COLGALT2: variants seen among roughly 807,000 people sequenced by gnomAD.
COLGALT2 encodes the protein collagen beta(1-O)galactosyltransferase 2, also known as procollagen galactosyltransferase 2.
A neutral mutation model predicts 73.4 loss-of-function variants in COLGALT2; 49 were observed. The ratio of observed to expected loss-of-function variants is 0.67; its 90% CI spans 0.53 to 0.85. The LOEUF is 0.85. COLGALT2 is among the 40% of genes least tolerant of loss of function. The probability of loss-of-function intolerance (pLI) is 0.00; values close to 1 mark genes in which losing one functional copy is unlikely to be tolerated. For missense variants in COLGALT2, 722 were observed against 790.2 expected (o/e 0.91, Z 1.03); for synonymous variants, 295 against 307.6 (o/e 0.96, Z 0.43).
rs1012555472 is a variant in COLGALT2 at position 183,938,639 on chromosome 1, T to C, written c.*122A>G. The C allele has an allele frequency of 9.5e-5, 140 of 1,467,064 alleles. 1 individual carries two copies. In the African/African-American group the frequency reaches 1.8e-3, roughly 18 times the overall value. The allele number at this position is 1,467,064 out of a possible 1,614,324, so 90.9% of individuals were successfully genotyped here. On this transcript the variant is annotated 3_prime_UTR_variant, in exon 12 of 12. Transcript: ENST00000361927. The stretch of plus-strand genomic sequence containing the variant: ...TTCGATCTATCACACTAGATCACTT[T>C]GGTTAGATGACTGTGACCACTAAGA...
At chr1:183,998,480 G>T (rs1386408453) in intron 1 of COLGALT2, among the ~76,000 whole-genome samples, 1 of 152,032 alleles carries the variant, frequency 6.6e-6, no homozygotes, top group Non-Finnish European at 1.5e-5. Flanking sequence ...TGGGTTGTTT[G>T]TCCACTATTT....
Position 183,938,187 on chromosome 1 carries a change from A to G in COLGALT2, c.*574T>C, listed in dbSNP as rs1572624932. The G allele has an allele frequency of 1.0e-6, 1 of 977,438 alleles. No individual in the cohort carries two copies. Among genetic ancestry groups the G allele is most frequent in the Non-Finnish European group, 1.2e-6 (1 of 827,696 alleles). 60.5% of individuals were successfully genotyped at this position (977,438 alleles called of 1,614,324 possible). A position where few individuals can be genotyped will look rare whatever the true frequency, so the allele number is the denominator to read the frequency against. On this transcript the variant is annotated 3_prime_UTR_variant, in exon 12 of 12. Coordinates refer to ENST00000361927, the MANE Select transcript of COLGALT2 (RefSeq NM_015101.4). ...CAAATACCCACCCCTACTGGATAAC[A>G]GGGACTAAGATTTTTTTTTTTTAAA...
At chr1:183,956,970 G>T (rs1364072840) in intron 6 of COLGALT2, among the ~76,000 whole-genome samples, 1 of 152,024 alleles carries the variant, frequency 6.6e-6, no homozygotes, top group African/African-American at 2.4e-5. Flanking sequence ...AGTCATTTCT[G>T]ACTCCATCTT....
chr1:184,033,345 C>T (rs6666636), intron 1 of COLGALT2, among the ~76,000 whole-genome samples: 27,648 of 152,132 alleles, frequency 0.18, 2,663 homozygotes, highest in Admixed American at 0.27. Flanking sequence ...AAGTACACTA[C>T]CACTTGTCAC....
chr1:184,020,243 G>A (rs924984996), intron 1 of COLGALT2, among the ~76,000 whole-genome samples: 7 of 152,272 alleles, frequency 4.6e-5, no homozygotes, highest in African/African-American at 1.4e-4. Context: ...GGATGTTAAG[G>A]TAGCAGATTT....
intron 5 of COLGALT2, among the ~76,000 whole-genome samples, chr1:183,965,547 G>T (rs898106340): frequency 6.6e-6 from 1 of 152,184 alleles, no homozygotes; most frequent in African/African-American, 2.4e-5. Flanking sequence ...TAAACAACAT[G>T]AACAGGAGAG....
intron 6 of COLGALT2, among the ~76,000 whole-genome samples, chr1:183,961,436 C>T (rs1670697929): frequency 6.6e-6 from 1 of 152,100 alleles, no homozygotes. Flanking sequence ...AGAGACTCTC[C>T]CTACTTGGGA....
In COLGALT2 at chr1:183,945,448, T is replaced by A. The variant is rs764383674; in HGVS notation, c.1253A>T (p.Tyr418Phe). The A allele has an allele frequency of 4.3e-6, 7 of 1,614,076 alleles. No homozygotes were observed. The highest frequency in any genetic ancestry group is 5.1e-6 in the Non-Finnish European group (6 of 1,180,002). ...RGEIGCFLSH[Y>F]SVWKEVIDRE... Reference sequence around the variant, plus strand: ...ATTATTTACCTCTTTCCAGACTGAGTAGTGGCTGAGAAAGCAGCCGATTTC... The same window carrying A: ...ATTATTTACCTCTTTCCAGACTGAGAAGTGGCTGAGAAAGCAGCCGATTTC... The change falls in exon 9 of 12, where the codon TAC becomes TTC. Residue 418 changes from tyrosine (Y) to phenylalanine (F), a missense_variant. Physicochemically the swap from Tyr to Phe is conservative, Grantham distance 22. Coordinates refer to ENST00000361927, the MANE Select transcript of COLGALT2 (RefSeq NM_015101.4).
At chr1:183,965,728 G>T (rs1248298297) in intron 5 of COLGALT2, among the ~76,000 whole-genome samples, 1 of 152,142 alleles carries the variant, frequency 6.6e-6, no homozygotes, top group African/African-American at 2.4e-5. Context: ...ATTAGTTTTG[G>T]ATCATACTAG....
chr1:183,940,518 T>G (rs1403430177), intron 11 of COLGALT2, 63 bp downstream of exon 11: 7 of 1,386,326 alleles, frequency 5.0e-6, no homozygotes, highest in Non-Finnish European at 7.2e-6. Context: ...CTACCAGAAA[T>G]GGAGAGCATA....
At chr1:183,961,109 T>C (rs536322041) in intron 6 of COLGALT2, among the ~76,000 whole-genome samples, 1 of 152,338 alleles carries the variant, frequency 6.6e-6, no homozygotes, top group African/African-American at 2.4e-5. Flanking sequence ...TCCAACATTT[T>C]CTTACTCCTA....
intron 1 of COLGALT2, among the ~76,000 whole-genome samples, chr1:183,994,026 C>CTTTTTTTTTT (rs869129633): frequency 8.6e-5 from 6 of 70,040 alleles, no homozygotes; most frequent in African/African-American, 1.2e-4. Flanking sequence ...TCTTGTAATT[C>CTTTTTTTTTT]TTTTTTTTTT....
chr1:183,948,142 G>T (rs1670299011), intron 8 of COLGALT2, among the ~76,000 whole-genome samples: 1 of 152,018 alleles, frequency 6.6e-6, no homozygotes, highest in African/African-American at 2.4e-5. Flanking sequence ...TTCACTAGGG[G>T]TTTCTGCCAA....
chr1:184,020,759 T>A (rs968083665), intron 1 of COLGALT2, among the ~76,000 whole-genome samples: 4 of 152,202 alleles, frequency 2.6e-5, no homozygotes, highest in African/African-American at 9.6e-5. Context: ...GAGAGCAGGG[T>A]CTACATCTGT....
chr1:183,932,053 G>A (rs1361911646), downstream of COLGALT2, among the ~76,000 whole-genome samples: 1 of 152,128 alleles, frequency 6.6e-6, no homozygotes, highest in East Asian at 1.9e-4. Flanking sequence ...AGGTTTCACA[G>A]GGGAGACAGA....
chr1:183,973,758 A>C lies in COLGALT2; in HGVS notation c.493-8T>G. 6.2e-7 allele frequency: 1 copy of C among 1,612,698 alleles called. No individual in the cohort carries two copies. The highest frequency in any genetic ancestry group is 8.5e-7 in the Non-Finnish European group (1 of 1,179,128). On this transcript the variant is annotated splice_region_variant and splice_polypyrimidine_tract_variant and intron_variant, in intron 3 of 11. Coordinates refer to ENST00000361927, the MANE Select transcript of COLGALT2 (RefSeq NM_015101.4). Reference sequence around the variant, plus strand: ...ATTGTCAACATCTATGAACTAGGAAAAGAAAAGGATAATGTTAGGTGAAAA... The same window carrying C: ...ATTGTCAACATCTATGAACTAGGAACAGAAAAGGATAATGTTAGGTGAAAA...
At chr1:183,994,327 C>T (rs1018153593) in intron 1 of COLGALT2, among the ~76,000 whole-genome samples, 6 of 151,866 alleles carry the variant, frequency 4.0e-5, no homozygotes, top group Admixed American at 6.5e-5. Context: ...CATGAGCCAC[C>T]GCACCTGGCC....
At chr1:184,000,556 A>G (rs1206128939) in intron 1 of COLGALT2, among the ~76,000 whole-genome samples, 1 of 151,350 alleles carries the variant, frequency 6.6e-6, no homozygotes. Context: ...AATCCCTTAA[A>G]TTGCACAGTA....
Position 183,937,112 on chromosome 1 carries a change from G to C in COLGALT2, c.*1649C>G, listed in dbSNP as rs1204915117. On this transcript the variant is annotated 3_prime_UTR_variant, in exon 12 of 12. Coordinates refer to ENST00000361927, the MANE Select transcript of COLGALT2 (RefSeq NM_015101.4). Reference sequence around the variant, plus strand: ...CTGGCTTAAAGTGTATCTTACACTCGTACACTAAGCTTGTGTATGTAGCAC... The same window carrying C: ...CTGGCTTAAAGTGTATCTTACACTCCTACACTAAGCTTGTGTATGTAGCAC... 3 of 1,230,020 alleles carry C rather than the reference G, an allele frequency of 2.4e-6. No individual in the cohort carries two copies. The highest frequency in any genetic ancestry group is 3.0e-6 in the Non-Finnish European group (3 of 987,458). The allele number at this position is 1,230,020 out of a possible 1,614,324, so 76.2% of individuals were successfully genotyped here. A position where few individuals can be genotyped will look rare whatever the true frequency, so the allele number is the denominator to read the frequency against.
Sources: gnomAD v4.1 joint callset for allele counts (sites outside exome capture counted in the v4.1 genomes callset) on GRCh38, gnomAD v4.1.1 for gene constraint, MANE v1.5 for transcripts, NCBI Gene and HGNC (gene_info 2026-07-23, HGNC 2026-07-21) for gene names.